Variants in POU6F2 observed in about 807,000 individuals in gnomAD.
POU6F2 encodes the protein POU domain, class 6, transcription factor 2.
POU6F2 carries 31 observed loss-of-function variants against 71.3 expected under a neutral mutation model. The observed-to-expected ratio is 0.43, with a 90% CI of 0.33 to 0.59. The LOEUF is 0.59. Among genes scored for constraint, POU6F2 ranks in the 20% least tolerant of loss-of-function variants. The pLI, the probability that POU6F2 is intolerant of heterozygous loss-of-function variation, is 0.04. For missense variants in POU6F2, 783 were observed against 856.8 expected (o/e 0.91, Z 1.07); for synonymous variants, 347 against 355.7 (o/e 0.98, Z 0.27).
chr7:39,143,940 C>G (rs751577138), intron 2 of POU6F2, among the ~76,000 whole-genome samples: 1 of 152,114 alleles, frequency 6.6e-6, no homozygotes, highest in Non-Finnish European at 1.5e-5. Context: ...GACAAGGGAG[C>G]AAAAGAGGCT....
chr7:39,380,148 T>C (rs1786797190), intron 5 of POU6F2, among the ~76,000 whole-genome samples: 1 of 152,208 alleles, frequency 6.6e-6, no homozygotes, highest in South Asian at 2.1e-4. Context: ...ATGGCTCCAT[T>C]TAATTTGAGC....
At chr7:39,278,457 A>G (rs749534548) in intron 4 of POU6F2, among the ~76,000 whole-genome samples, 2 of 152,158 alleles carry the variant, frequency 1.3e-5, no homozygotes, top group Non-Finnish European at 2.9e-5. Context: ...TCTGTTCTTC[A>G]TGAAAAAAGC....
In POU6F2 at chr7:39,006,533, C is replaced by T. The variant is rs189936836; in HGVS notation, c.105+28475C>T. On this transcript the variant is annotated intron_variant, in intron 1 of 9. Coordinates refer to ENST00000518318, the MANE Select transcript of POU6F2 (RefSeq NM_001370959.1). ...TATAGAACAATGTACCTACAAGCCACACCTTCAAAATTACTTCTTTATTTA... is the reference window on the plus strand; with the variant it reads ...TATAGAACAATGTACCTACAAGCCATACCTTCAAAATTACTTCTTTATTTA... Among the ~76,000 whole-genome samples, 865 of 152,240 alleles carry T rather than the reference C, an allele frequency of 5.7e-3. 5 individuals are homozygous for T. The highest frequency in any genetic ancestry group is 9.5e-3 in the Non-Finnish European group (649 of 68,000).
intron 1 of POU6F2, among the ~76,000 whole-genome samples, chr7:39,014,290 G>C (rs1156944661): frequency 6.6e-6 from 1 of 152,134 alleles, no homozygotes; most frequent in Non-Finnish European, 1.5e-5. Context: ...ACAGGAGATT[G>C]TTTCAGACAG....
chr7:39,208,547 A>G (rs1342727267), intron 4 of POU6F2, among the ~76,000 whole-genome samples: 1 of 152,214 alleles, frequency 6.6e-6, no homozygotes, highest in Non-Finnish European at 1.5e-5. Flanking sequence ...TTATCGGAGA[A>G]TCAGTCCACA....
intron 1 of POU6F2, 197 bp from the exon 2 acceptor site, chr7:39,085,663 A>G (rs886720463): frequency 1.8e-6 from 1 of 567,568 alleles, no homozygotes; most frequent in African/African-American, 1.9e-5. Flanking sequence ...TGGAGAACTC[A>G]TCGGATCTGT....
At chr7:39,179,085 A>G (rs1424991072) in intron 2 of POU6F2, among the ~76,000 whole-genome samples, 2 of 152,168 alleles carry the variant, frequency 1.3e-5, no homozygotes, top group African/African-American at 4.8e-5. Context: ...TAGATTCCAT[A>G]AAGATAACAT....
intron 4 of POU6F2, among the ~76,000 whole-genome samples, chr7:39,258,840 A>G (rs1784076892): frequency 1.3e-5 from 2 of 152,184 alleles, no homozygotes; most frequent in African/African-American, 2.4e-5. Context: ...AAAGAATGCA[A>G]AGGTAAATGG....
chr7:39,317,870 C>A (rs1162636374), intron 4 of POU6F2, among the ~76,000 whole-genome samples: 1 of 152,062 alleles, frequency 6.6e-6, no homozygotes, highest in Non-Finnish European at 1.5e-5. Flanking sequence ...TTCCAAGGAC[C>A]CTGACATCTC....
chr7:39,221,384 CTTTTTTTTTTTT>C (rs33915153), intron 4 of POU6F2, among the ~76,000 whole-genome samples: 1 of 86,332 alleles, frequency 1.2e-5, no homozygotes, highest in African/African-American at 4.8e-5. Context: ...CTCTCTCTCT[CTTTTTTTTTTTT>C]TTTTTTTTTT....
At chr7:39,438,177 T>C (rs1462682088) in intron 7 of POU6F2, among the ~76,000 whole-genome samples, 1 of 148,660 alleles carries the variant, frequency 6.7e-6, no homozygotes, top group Non-Finnish European at 1.5e-5. Flanking sequence ...TTCCCACCTA[T>C]GAGTAAGAAC....
chr7:39,459,273 A>G (rs1269346888), intron 8 of POU6F2, among the ~76,000 whole-genome samples: 1 of 152,182 alleles, frequency 6.6e-6, no homozygotes, highest in African/African-American at 2.4e-5. Flanking sequence ...GATAAAAGAC[A>G]ATCTATACCT....
At chr7:39,097,057 A>T (rs1221140715) in intron 2 of POU6F2, among the ~76,000 whole-genome samples, 1 of 152,144 alleles carries the variant, frequency 6.6e-6, no homozygotes, top group Admixed American at 6.5e-5. Flanking sequence ...TTAATTATGA[A>T]GCTGTTTTAC....
chr7:39,127,236 A>G lies in POU6F2; in HGVS notation c.277+41205A>G, dbSNP rs369351561. 6.4e-4 allele frequency among the ~76,000 whole-genome samples: 97 copies of G among 152,322 alleles called. 2 individuals carry two copies. In the South Asian group the frequency reaches 0.02, roughly 31 times the overall value. ...GACGTTTTAAGTGCTCAGTAGCCACATGTGGCTTGTGGCTGCGATAATAAC... is the reference window on the plus strand; with the variant it reads ...GACGTTTTAAGTGCTCAGTAGCCACGTGTGGCTTGTGGCTGCGATAATAAC... On this transcript the variant is annotated intron_variant, in intron 2 of 9. Coordinates refer to ENST00000518318, the MANE Select transcript of POU6F2 (RefSeq NM_001370959.1).
chr7:39,085,971 G>A lies in POU6F2; in HGVS notation c.217G>A (p.Glu73Lys). The change falls in exon 2 of 10, where the codon GAG becomes AAG. Residue 73 changes from glutamate to lysine, a missense_variant. By Grantham distance (56) the Glu-to-Lys change is moderately conservative. Around this residue, in one of 2 missense-constraint regions of POU6F2, gnomAD observed 572 missense variants for 572.9 expected, o/e 1.00. Transcript: ENST00000518318. ...TGCTACTTCAGACAGCGAGCTGAATGAGCCCCTGCTTGCGCCTGTGGAATC... is the reference window on the plus strand; with the variant it reads ...TGCTACTTCAGACAGCGAGCTGAATAAGCCCCTGCTTGCGCCTGTGGAATC... ...KAATSDSELN[E>K]PLLAPVESND... is the part of the protein sequence containing the mutation. 6.2e-7 allele frequency: 1 copy of A among 1,613,836 alleles called. No homozygotes were observed.
At chr7:39,189,319 A>G (rs144584998) in intron 2 of POU6F2, among the ~76,000 whole-genome samples, 82 of 152,368 alleles carry the variant, frequency 5.4e-4, no homozygotes, top group African/African-American at 1.9e-3. Flanking sequence ...TCTGACTGAT[A>G]TGAGTGCAAA....
In POU6F2 at chr7:39,127,933, C is replaced by T. The variant is rs547457977; in HGVS notation, c.277+41902C>T. 2.0e-5 allele frequency among the ~76,000 whole-genome samples: 3 copies of T among 149,566 alleles called. No homozygotes were observed. In the East Asian group the frequency reaches 5.9e-4, roughly 29 times the overall value. ...TCTCTGCTCACTGCAAACTCTGCCT[C>T]CCGGGTTCACGGCATTCTCCTGCCT... On this transcript the variant is annotated intron_variant, in intron 2 of 9. Transcript: ENST00000518318.
chr7:39,020,762 T>C (rs1789665301), intron 1 of POU6F2, among the ~76,000 whole-genome samples: 1 of 143,518 alleles, frequency 7.0e-6, no homozygotes, highest in Non-Finnish European at 1.5e-5. Context: ...CTTTGCCTAA[T>C]GTATTTCTAG....
At chr7:39,224,841 C>T (rs1794432044) in intron 4 of POU6F2, among the ~76,000 whole-genome samples, 1 of 152,158 alleles carries the variant, frequency 6.6e-6, no homozygotes, top group East Asian at 1.9e-4. Context: ...TTCTGGAGGG[C>T]CCCTCAGCAG....
Sources: allele counts gnomAD v4.1 joint callset (sites outside exome capture counted in the v4.1 genomes callset), GRCh38; gene constraint gnomAD v4.1.1; regional missense constraint gnomAD v4.1.1; transcripts MANE v1.5; gene names NCBI Gene and HGNC (gene_info 2026-07-23, HGNC 2026-07-21).